Variants in DPP10 observed in about 807,000 individuals in gnomAD.
DPP10 encodes the protein dipeptidyl peptidase like 10.
DPP10 carries 33 observed loss-of-function variants against 120.9 expected under a neutral mutation model. The observed-to-expected ratio is 0.27, with a 90% CI of 0.21 to 0.37. The LOEUF (loss-of-function observed/expected upper bound fraction) is 0.37. Among genes scored for constraint, DPP10 ranks in the 10% least tolerant of loss-of-function variants. DPP10 has a pLI of 1.00. For synonymous variants in DPP10, 337 were observed against 326.1 expected, an observed-to-expected ratio of 1.03 and a Z score of -0.36; for missense variants, 816 against 942.8, an observed-to-expected ratio of 0.87 and a Z score of 1.76.
intron 1 of DPP10, among the ~76,000 whole-genome samples, chr2:114,954,433 C>G (rs752749608): frequency 9.2e-5 from 14 of 151,974 alleles, no homozygotes; most frequent in African/African-American, 3.4e-4. Flanking sequence ...GGAAACACCA[C>G]AGACAAAAAC....
intron 5 of DPP10, among the ~76,000 whole-genome samples, chr2:115,633,044 C>G (rs974658716): frequency 6.6e-6 from 1 of 152,176 alleles, no homozygotes; most frequent in African/African-American, 2.4e-5. Flanking sequence ...GGATCTAGAA[C>G]TAGAAATACC....
chr2:114,641,003 TA>T (rs1464667754), intron 1 of DPP10, among the ~76,000 whole-genome samples: 1 of 151,916 alleles, frequency 6.6e-6, no homozygotes, highest in Non-Finnish European at 1.5e-5. Context: ...TTTAGTTTCC[TA>T]TCTGGTTTGA....
At chr2:115,717,488 C>G (rs1208572819) in intron 7 of DPP10, among the ~76,000 whole-genome samples, 1 of 152,060 alleles carries the variant, frequency 6.6e-6, no homozygotes, top group Non-Finnish European at 1.5e-5. Context: ...TAAACTTGGG[C>G]AAGTTACTTA....
At chr2:115,547,004 A>C (rs2079541225) in intron 5 of DPP10, among the ~76,000 whole-genome samples, 1 of 152,170 alleles carries the variant, frequency 6.6e-6, no homozygotes, top group South Asian at 2.1e-4. Context: ...GAATCCTTAG[A>C]AGCTATGAGC....
chr2:115,092,710 AC>A (rs1461845516), intron 1 of DPP10, among the ~76,000 whole-genome samples: 2 of 152,180 alleles, frequency 1.3e-5, no homozygotes, highest in Non-Finnish European at 2.9e-5. Flanking sequence ...GGATCACTAA[AC>A]CTCAATATTG....
At chr2:115,309,159 C>T in intron 1 of DPP10, 80 bp from the exon 2 acceptor site, 1 of 1,046,110 alleles carries the variant, frequency 9.6e-7, no homozygotes, top group Non-Finnish European at 1.4e-6. Context: ...GTGATTGTGC[C>T]ATGCACTGAA....
chr2:114,494,665 G>C (rs1442002150), intron 1 of DPP10, among the ~76,000 whole-genome samples: 1 of 152,176 alleles, frequency 6.6e-6, no homozygotes, highest in Non-Finnish European at 1.5e-5. Context: ...AATACTGGAG[G>C]TTTTCAAAAG....
intron 1 of DPP10, among the ~76,000 whole-genome samples, chr2:114,718,602 T>C (rs1701507930): frequency 6.6e-6 from 1 of 152,104 alleles, no homozygotes; most frequent in South Asian, 2.1e-4. Flanking sequence ...TAAGAGAAGT[T>C]TGACACCTTT....
intron 5 of DPP10, among the ~76,000 whole-genome samples, chr2:115,610,739 T>C (rs1357936443): frequency 6.6e-6 from 1 of 152,212 alleles, no homozygotes. Flanking sequence ...CAATAAGCTA[T>C]ATGTGCTCTT....
At chr2:115,443,160 A>T (rs78793813) in intron 3 of DPP10, among the ~76,000 whole-genome samples, 6,147 of 152,304 alleles carry the variant, frequency 0.04, 185 homozygotes, top group Non-Finnish European at 0.057. Context: ...ATTTTCATTA[A>T]TATCAATCAT....
At chr2:114,585,002 T>C (rs1690834346) in intron 1 of DPP10, among the ~76,000 whole-genome samples, 1 of 152,326 alleles carries the variant, frequency 6.6e-6, no homozygotes, top group East Asian at 1.9e-4. Context: ...TGAGAAAGCT[T>C]GTGTTAGCTT....
At chr2:114,934,253 A>G (rs1696292061) in intron 1 of DPP10, among the ~76,000 whole-genome samples, 1 of 152,206 alleles carries the variant, frequency 6.6e-6, no homozygotes, top group African/African-American at 2.4e-5. Flanking sequence ...TTGACTCCCC[A>G]AAAACTTAAC....
chr2:115,084,144 T>G (rs1708504807), intron 1 of DPP10, among the ~76,000 whole-genome samples: 1 of 152,088 alleles, frequency 6.6e-6, no homozygotes, highest in South Asian at 2.1e-4. Flanking sequence ...AATTTTGAGG[T>G]TTTCTGATGA....
At chr2:115,419,243 C>G (rs1172784271) in intron 3 of DPP10, among the ~76,000 whole-genome samples, 1 of 152,110 alleles carries the variant, frequency 6.6e-6, no homozygotes, top group Non-Finnish European at 1.5e-5. Context: ...GGAATCCAGG[C>G]AAGAGACATA....
At chr2:115,089,968 T>C (rs757404895) in intron 1 of DPP10, among the ~76,000 whole-genome samples, 1 of 152,168 alleles carries the variant, frequency 6.6e-6, no homozygotes, top group African/African-American at 2.4e-5. Flanking sequence ...GCCTTTCATA[T>C]CTATGTCTAC....
chr2:115,075,793 C>A (rs566404197), intron 1 of DPP10, among the ~76,000 whole-genome samples: 1 of 151,482 alleles, frequency 6.6e-6, no homozygotes, highest in South Asian at 2.1e-4. Flanking sequence ...TTTCTGTATA[C>A]CTTTGTTTGA....
At chr2:114,637,398 G>A (rs776031800) in intron 1 of DPP10, among the ~76,000 whole-genome samples, 3 of 151,880 alleles carry the variant, frequency 2.0e-5, no homozygotes, top group African/African-American at 7.3e-5. Context: ...AGAGCAGGCT[G>A]TCAGGGGAAC....
chr2:115,334,230 G>GTTTTTTTTTTTT lies in DPP10; in HGVS notation c.176-9582_176-9571dup. Among the ~76,000 whole-genome samples, 306 of 56,360 alleles carry GTTTTTTTTTTTT rather than the reference G, an allele frequency of 5.4e-3. 58 individuals carry two copies. Among genetic ancestry groups the GTTTTTTTTTTTT allele is most frequent in the Non-Finnish European group, 6.6e-3 (167 of 25,158 alleles). The allele number at this position is 56,360 out of a possible 152,430, so 37.0% of individuals were successfully genotyped here. Reference sequence around the variant, plus strand: ...TCAGGAATGGACCAGAGCAGACTCTGTTTTTTTTTTTTTTTTAAGAAACCT... The same window carrying GTTTTTTTTTTTT: ...TCAGGAATGGACCAGAGCAGACTCTGTTTTTTTTTTTTTTTTTTTTTTTTTTTTAAGAAACCT... On this transcript the variant is annotated intron_variant, in intron 2 of 25. Transcript: ENST00000410059.
rs1485631969 is a variant in DPP10 at position 114,663,660 on chromosome 2, T to TAGAG, written c.60+220823_60+220824insGAGA. 7.9e-3 allele frequency among the ~76,000 whole-genome samples: 725 copies of TAGAG among 91,412 alleles called. 2 individuals carry two copies. Among genetic ancestry groups the TAGAG allele is most frequent in the Middle Eastern group, 0.013 (3 of 224 alleles). 60.0% of individuals were successfully genotyped at this position (91,412 alleles called of 152,430 possible). Reference sequence around the variant, plus strand: ...GTACAGATATATATATATATATATATATATATATAGAGAGAGAGAGAGAGA... The same window carrying TAGAG: ...GTACAGATATATATATATATATATATAGAGATATATATAGAGAGAGAGAGAGAGA... On this transcript the variant is annotated intron_variant, in intron 1 of 25. Coordinates refer to ENST00000410059, the MANE Select transcript of DPP10 (RefSeq NM_020868.6).
Sources: gnomAD v4.1 joint callset for allele counts (sites outside exome capture counted in the v4.1 genomes callset) on GRCh38, gnomAD v4.1.1 for gene constraint, MANE v1.5 for transcripts, NCBI Gene and HGNC (gene_info 2026-07-23, HGNC 2026-07-21) for gene names.